AMPD3: variants seen among roughly 807,000 people sequenced by gnomAD.
AMPD3 encodes AMP deaminase 3.
AMPD3 carries 57 observed loss-of-function variants against 82.3 expected under a neutral mutation model. The observed-to-expected ratio is 0.69, with a 90% CI of 0.56 to 0.86. The LOEUF (loss-of-function observed/expected upper bound fraction) is 0.86. Among genes scored for constraint, AMPD3 ranks in the 40% least tolerant of loss-of-function variants. AMPD3 has a pLI of 0.00. For synonymous variants in AMPD3, 381 were observed against 394.7 expected, an observed-to-expected ratio of 0.97 and a Z score of 0.41; for missense variants, 870 against 1,003.8, an observed-to-expected ratio of 0.87 and a Z score of 1.80.
Position 10,495,553 on chromosome 11 carries a change from A to T in AMPD3, c.1267-17A>T. On this transcript the variant is annotated splice_polypyrimidine_tract_variant and intron_variant, in intron 8 of 14. Coordinates refer to ENST00000396553, the MANE Select transcript of AMPD3 (RefSeq NM_001025389.2). ...GCTGGGATGCACTGGGGCTGACCCA[A>T]GCTCTTCTTGTGCCAGGAGGTTGCC... 2.5e-6 allele frequency: 4 copies of T among 1,612,428 alleles called. No individual in the cohort carries two copies. The highest frequency in any genetic ancestry group is 4.5e-5 in the East Asian group (2 of 44,872).
intron 6 of AMPD3, among the ~76,000 whole-genome samples, chr11:10,491,369 G>C (rs561194504): frequency 6.6e-6 from 1 of 152,296 alleles, no homozygotes; most frequent in South Asian, 2.1e-4. Flanking sequence ...GGCAGACTGG[G>C]GATGAGGGGT....
upstream of AMPD3, among the ~76,000 whole-genome samples, chr11:10,451,685 A>G (rs1847967728): frequency 6.6e-6 from 1 of 152,166 alleles, no homozygotes; most frequent in Admixed American, 6.5e-5. Context: ...ATGTGGCTGA[A>G]AGCTTGATGG....
intron 6 of AMPD3, chr11:10,488,162 T>G: frequency 1.0e-6 from 1 of 972,744 alleles, no homozygotes; most frequent in Non-Finnish European, 1.2e-6. Context: ...CTCCTGGCAG[T>G]CTCCGCCTGC....
At chr11:10,484,333 C>A (rs984498742) in intron 4 of AMPD3, 9 of 985,356 alleles carry the variant, frequency 9.1e-6, no homozygotes, top group Non-Finnish European at 1.1e-5. Flanking sequence ...GAGGGAGTGG[C>A]TTCTTTATCT....
At chr11:10,468,012 A>C (rs1027662577) in intron 2 of AMPD3, among the ~76,000 whole-genome samples, 1 of 152,248 alleles carries the variant, frequency 6.6e-6, no homozygotes, top group Non-Finnish European at 1.5e-5. Flanking sequence ...GAGCTCCTGA[A>C]GGAAGCACTA....
intron 13 of AMPD3, 124 bp from the exon 14 acceptor site, chr11:10,504,425 C>A: frequency 9.3e-7 from 1 of 1,074,954 alleles, no homozygotes; most frequent in Non-Finnish European, 1.4e-6. Flanking sequence ...GTTTGATGAT[C>A]CAGGTGCCAT....
chr11:10,500,118 C>T lies in AMPD3; in HGVS notation c.1590C>T (p.Ser530=). Residue 530 remains serine (S), a synonymous_variant, in exon 11 of 15, where the codon TCC becomes TCT. Transcript: ENST00000396553. ...VTGFDSVDDE[S]KHSDHMFSDK... ...GGTTTGACAGCGTGGATGATGAGTC[C>T]AAGCACAGCGACCACATGTTTTCCG... is the stretch of plus-strand genomic sequence containing the variant. The T allele has an allele frequency of 6.2e-7, 1 of 1,614,148 alleles. No individual in the cohort carries two copies. Among genetic ancestry groups the T allele is most frequent in the Non-Finnish European group, 8.5e-7 (1 of 1,180,010 alleles).
intron 6 of AMPD3, among the ~76,000 whole-genome samples, chr11:10,491,547 A>C (rs916754387): frequency 3.9e-5 from 6 of 152,228 alleles, no homozygotes; most frequent in African/African-American, 1.2e-4. Context: ...ACCAGTTAGG[A>C]GGTCACTGTG....
chr11:10,485,778 T>C (rs1849050074), intron 5 of AMPD3, among the ~76,000 whole-genome samples: 1 of 151,966 alleles, frequency 6.6e-6, no homozygotes, highest in African/African-American at 2.4e-5. Context: ...CTCATGGGCA[T>C]GGTGCACCAT....
In AMPD3 at chr11:10,504,851, A is replaced by G. The variant is rs137947679; in HGVS notation, c.2127+192A>G. On this transcript the variant is annotated intron_variant, in intron 14 of 14. Coordinates refer to ENST00000396553, the MANE Select transcript of AMPD3 (RefSeq NM_001025389.2). ...GCTTCCTCACCCTTCTCAGACCTCT[A>G]CGCCTCCTTGGAGAGGCCTTCCCTG... Among the ~76,000 whole-genome samples, 46 of 152,286 alleles carry G rather than the reference A, an allele frequency of 3.0e-4. 1 individual carries two copies. The highest frequency in any genetic ancestry group is 1.0e-3 in the African/African-American group (42 of 41,554).
intron 7 of AMPD3, 144 bp from the exon 8 acceptor site, chr11:10,494,755 G>A (rs1232061106): frequency 1.3e-6 from 2 of 1,546,410 alleles, no homozygotes; most frequent in South Asian, 1.1e-5. Flanking sequence ...GTGCTCAGGA[G>A]TTTCTAAGGT....
intron 12 of AMPD3, chr11:10,501,986 C>G (rs766349803): frequency 2.1e-5 from 21 of 985,310 alleles, no homozygotes; most frequent in Admixed American, 6.1e-5. Flanking sequence ...TATCTATGCT[C>G]CTTTTTCCAA....
In AMPD3 at chr11:10,504,645, G is replaced by A. The variant is rs992038150; in HGVS notation, c.2113G>A (p.Gly705Ser). The A allele has an allele frequency of 1.3e-5, 21 of 1,613,974 alleles. No individual in the cohort carries two copies. The highest frequency in any genetic ancestry group is 8.8e-5 in the South Asian group (8 of 91,080). ...EIARNSVLQSGLSHQEKQKFL... is the reference protein window; with the variant it reads ...EIARNSVLQSSLSHQEKQKFL... ...CGCCAGGAACAGCGTGCTGCAGAGC[G>A]GCCTCTCGCATCAGGTATGGAGTGT... The change falls in exon 14 of 15, where the codon GGC becomes AGC. Residue 705 changes from glycine (G) to serine (S), a missense_variant. Gly to Ser is a moderately conservative substitution (Grantham distance 56). Coordinates refer to ENST00000396553, the MANE Select transcript of AMPD3 (RefSeq NM_001025389.2).
In AMPD3 at chr11:10,505,773, G is replaced by A. The variant is rs986563744; in HGVS notation, c.2193G>A (p.Lys731=). The change falls in exon 15 of 15, where the codon AAG becomes AAA. Residue 731 remains lysine (K), a synonymous_variant. Coordinates refer to ENST00000396553, the MANE Select transcript of AMPD3 (RefSeq NM_001025389.2). ...KEGPEGNDIR[K]TNVAQIRMAF... is the part of the protein sequence containing the mutation. ...GACCTGAAGGAAATGATATTCGAAA[G>A]ACAAATGTGGCTCAGATCCGGATGG... The A allele has an allele frequency of 3.7e-6, 6 of 1,614,170 alleles. No individual in the cohort carries two copies. Among genetic ancestry groups the A allele is most frequent in the Non-Finnish European group, 5.1e-6 (6 of 1,180,038 alleles).
chr11:10,463,238 G>A (rs1449261392), intron 2 of AMPD3, among the ~76,000 whole-genome samples: 1 of 151,680 alleles, frequency 6.6e-6, no homozygotes, highest in Non-Finnish European at 1.5e-5. Flanking sequence ...TAACTCGTTT[G>A]GAAAGAAGTA....
chr11:10,500,354 A>T, intron 11 of AMPD3, 105 bp downstream of exon 11: 1 of 1,438,812 alleles, frequency 7.0e-7, no homozygotes. Context: ...GTCCGTGTGC[A>T]CCTGAACCAA....
chr11:10,484,750 C>T (rs11042843), intron 4 of AMPD3, 70 bp from the exon 5 acceptor site: 113,716 of 1,565,360 alleles, frequency 0.073, 4,799 homozygotes, highest in Non-Finnish European at 0.085. Context: ...CGCAGGCCTC[C>T]GTGTCTTTTG....
chr11:10,490,435 A>C, intron 6 of AMPD3: 1 of 963,948 alleles, frequency 1.0e-6, no homozygotes, highest in Non-Finnish European at 1.2e-6. Flanking sequence ...TCGATTATTG[A>C]TGCCTGCCAT....
At chr11:10,501,189 G>C in intron 11 of AMPD3, 1 of 985,422 alleles carries the variant, frequency 1.0e-6, no homozygotes, top group Non-Finnish European at 1.2e-6. Flanking sequence ...GGGACACAAG[G>C]CCAGGAGAGG....
Sources: allele counts gnomAD v4.1 joint callset (sites outside exome capture counted in the v4.1 genomes callset), GRCh38; gene constraint gnomAD v4.1.1; transcripts MANE v1.5; gene names NCBI Gene and HGNC (gene_info 2026-07-23, HGNC 2026-07-21).